The following CFAP91 variants were observed in gnomAD, a reference collection of about 807,000 sequenced individuals.
CFAP91 encodes the protein cilia and flagella associated protein 91.
CFAP91 carries 85 observed loss-of-function variants against 95.9 expected under a neutral mutation model. The observed-to-expected ratio is 0.89, with a 90% CI of 0.74 to 1.06. The LOEUF is 1.06. Ranked by LOEUF, CFAP91 falls within the 50% of genes least tolerant of loss-of-function variation. The probability of loss-of-function intolerance (pLI) is 0.00; values close to 1 mark genes in which losing one functional copy is unlikely to be tolerated. For missense variants in CFAP91, 962 were observed against 943.4 expected, an observed-to-expected ratio of 1.02 and a Z score of -0.26; for synonymous variants, 335 against 327.5, an observed-to-expected ratio of 1.02 and a Z score of -0.25.
At chr3:119,764,244 A>ATAAC (rs2054591015) in intron 17 of CFAP91, among the ~76,000 whole-genome samples, 1 of 152,114 alleles carries the variant, frequency 6.6e-6, no homozygotes, top group Admixed American at 6.6e-5. Context: ...TGTTCCATGG[A>ATAAC]TAACTGCTCT....
In CFAP91 at chr3:119,733,394, ATT is replaced by A. The variant is rs1260706803; in HGVS notation, c.1235_1236del (p.Phe412CysfsTer12). 6.2e-7 allele frequency: 1 copy of A among 1,613,954 alleles called. No homozygotes were observed. The highest frequency in any genetic ancestry group is 1.3e-5 in the African/African-American group (1 of 74,938). On this transcript the variant is annotated frameshift_variant, in exon 10 of 18. Transcript: ENST00000273390. LOFTEE classifies it high-confidence loss of function. ...GTGGAACTTGAGTCATGTCTCCCAGATTTTGTGACACAACCCCAAATCAGAGC... is the reference window on the plus strand; with the variant it reads ...GTGGAACTTGAGTCATGTCTCCCAGATTGTGACACAACCCCAAATCAGAGC...
chr3:119,716,051 A>G (rs965354697), intron 6 of CFAP91: 75 of 531,108 alleles, frequency 1.4e-4, no homozygotes, highest in Middle Eastern at 9.5e-4. Context: ...CTTCCTTTTC[A>G]TTGAGCAATC....
intron 17 of CFAP91, 133 bp downstream of exon 17, chr3:119,751,231 G>C (rs1029518611): frequency 2.8e-5 from 28 of 996,406 alleles, no homozygotes; most frequent in Admixed American, 9.4e-5. Context: ...CACTTAAATT[G>C]GCACATTTCC....
At chr3:119,733,555 G>C (rs760157396) in intron 10 of CFAP91, 49 bp downstream of exon 10, 1 of 1,586,084 alleles carries the variant, frequency 6.3e-7, no homozygotes, top group Non-Finnish European at 8.6e-7. Context: ...GATTTTTGCA[G>C]ATAAATGCTA....
chr3:119,719,292 G>A (rs2053636862), intron 6 of CFAP91, among the ~76,000 whole-genome samples: 1 of 152,196 alleles, frequency 6.6e-6, no homozygotes, highest in South Asian at 2.1e-4. Flanking sequence ...CTTGGGACAG[G>A]TAGTGACTGG....
intron 7 of CFAP91, among the ~76,000 whole-genome samples, chr3:119,728,324 G>A (rs2053826065): frequency 6.6e-6 from 1 of 152,118 alleles, no homozygotes; most frequent in South Asian, 2.1e-4. Flanking sequence ...AGGTGATCAG[G>A]CCCCATCCCA....
chr3:119,713,072 TTTTATTTTATTTTTATTTATTTA>T (rs1268988947), intron 5 of CFAP91: 1 of 151,600 alleles, frequency 6.6e-6, no homozygotes, highest in Admixed American at 6.6e-5. Context: ...TTTAAAAAAT[TTTTATTTTATTTTTATTTATTTA>T]TTTATTTATT....
In CFAP91 at chr3:119,744,040, C is replaced by A; in HGVS notation, c.1746C>A (p.Phe582Leu). ...EGRALADMFD[F>L]LSKELVRLQE... is the part of the protein sequence containing the mutation. ...GGGCACTAGCAGACATGTTTGACTT[C>A]CTGTCCAAAGAGCTGGTGAGACTGC... Residue 582 changes from phenylalanine (F) to leucine (L), a missense_variant, in exon 14 of 18, where the codon TTC becomes TTA. Transcript: ENST00000273390. 6.2e-7 allele frequency: 1 copy of A among 1,614,166 alleles called. No individual in the cohort carries two copies. Among genetic ancestry groups the A allele is most frequent in the African/African-American group, 1.3e-5 (1 of 75,064 alleles).
Position 119,733,513 on chromosome 3 carries a change from T to C in CFAP91, c.1344+7T>C, listed in dbSNP as rs773598238. 6.2e-7 allele frequency: 1 copy of C among 1,605,990 alleles called. No individual in the cohort carries two copies. The highest frequency in any genetic ancestry group is 1.1e-5 in the South Asian group (1 of 88,790). On this transcript the variant is annotated splice_region_variant and intron_variant, in intron 10 of 17. Coordinates refer to ENST00000273390, the MANE Select transcript of CFAP91 (RefSeq NM_033364.4). Reference sequence around the variant, plus strand: ...GTTGGCAGAGGTTCATAAGGTATAATCATTATCTGGAGGACAAAATGCTTC... The same window carrying C: ...GTTGGCAGAGGTTCATAAGGTATAACCATTATCTGGAGGACAAAATGCTTC...
In CFAP91 at chr3:119,732,379, A is replaced by G; in HGVS notation, c.1104A>G (p.Ala368=). The part of the protein sequence containing the change: ...RNIIKDYSDY[A]SQVYGPLSRL... ...TCATCAAGGATTATTCTGATTATGC[A>G]TCACAGGTCTATGGACCTCTGTCTC... The change falls in exon 9 of 18, where the codon GCA becomes GCG. Residue 368 remains alanine (A), a synonymous_variant. Transcript: ENST00000273390. 11 of 1,612,872 alleles carry G rather than the reference A, an allele frequency of 6.8e-6. No individual in the cohort carries two copies. The highest frequency in any genetic ancestry group is 9.3e-6 in the Non-Finnish European group (11 of 1,179,008).
intron 14 of CFAP91, 76 bp from the exon 15 acceptor site, chr3:119,747,039 C>A: frequency 1.7e-6 from 2 of 1,175,468 alleles, no homozygotes; most frequent in Non-Finnish European, 2.3e-6. Flanking sequence ...AAAAAGTTAA[C>A]CAATGTTTGT....
chr3:119,711,458 G>A (rs541356418), intron 5 of CFAP91, among the ~76,000 whole-genome samples: 92 of 152,296 alleles, frequency 6.0e-4, no homozygotes, highest in African/African-American at 2.1e-3. Flanking sequence ...TCTAAAAGTT[G>A]TTAACTAATT....
chr3:119,747,736 ACAGCAGGAAAGCATAAAT>A, intron 15 of CFAP91, 57 bp from the exon 16 acceptor site: 1 of 1,226,916 alleles, frequency 8.2e-7, no homozygotes, highest in Non-Finnish European at 1.2e-6. Flanking sequence ...AGTTGCTTAC[ACAGCAGGAAAGCATAAAT>A]CAGCAGCTCA....
chr3:119,752,826 A>G (rs1422362455), intron 17 of CFAP91, among the ~76,000 whole-genome samples: 1 of 152,188 alleles, frequency 6.6e-6, no homozygotes, highest in Non-Finnish European at 1.5e-5. Context: ...TGATAATTAT[A>G]AAATCTAGTT....
At chr3:119,755,216 A>C (rs977604969) in intron 17 of CFAP91, among the ~76,000 whole-genome samples, 2 of 152,140 alleles carry the variant, frequency 1.3e-5, no homozygotes, top group African/African-American at 4.8e-5. Context: ...ATGAGTTAAG[A>C]TTTTTGGTAT....
chr3:119,726,560 A>C (rs2053788601), intron 7 of CFAP91, among the ~76,000 whole-genome samples: 1 of 152,150 alleles, frequency 6.6e-6, no homozygotes, highest in South Asian at 2.1e-4. Flanking sequence ...AAAAACATTA[A>C]AATGTAGAAT....
chr3:119,721,226 C>G (rs553752168), intron 6 of CFAP91, among the ~76,000 whole-genome samples: 1 of 152,132 alleles, frequency 6.6e-6, no homozygotes, highest in Non-Finnish European at 1.5e-5. Flanking sequence ...CCATTTTAAC[C>G]GAAAACATAG....
At chr3:119,703,295 T>C in intron 1 of CFAP91, 73 bp downstream of exon 1, 1 of 1,581,458 alleles carries the variant, frequency 6.3e-7, no homozygotes, top group Non-Finnish European at 8.6e-7. Flanking sequence ...TGGTGGGACC[T>C]GGCCAGGGGC....
intron 6 of CFAP91, among the ~76,000 whole-genome samples, chr3:119,721,437 T>C (rs1459928915): frequency 6.6e-6 from 1 of 152,246 alleles, no homozygotes; most frequent in Non-Finnish European, 1.5e-5. Flanking sequence ...TAATGCTCAT[T>C]ATCACTACTA....
Sources: gnomAD v4.1 joint callset for allele counts (sites outside exome capture counted in the v4.1 genomes callset) on GRCh38, gnomAD v4.1.1 for gene constraint, MANE v1.5 for transcripts, NCBI Gene and HGNC (gene_info 2026-07-23, HGNC 2026-07-21) for gene names.